Variants in PNPLA1 observed in about 807,000 individuals in gnomAD.
The protein encoded by PNPLA1 is patatin like domain 1, omega-hydroxyceramide transacylase.
Under a neutral mutation model 51.7 loss-of-function variants are expected in PNPLA1, and 36 were observed. The observed-to-expected ratio is 0.70, with a 90% confidence interval of 0.53 to 0.92. The LOEUF is 0.92. Ranked by LOEUF, PNPLA1 falls within the 40% of genes least tolerant of loss-of-function variation. The pLI is 0.00. For missense variants in PNPLA1, 658 were observed against 682.5 expected (o/e 0.96, Z 0.40); for synonymous variants, 293 against 280.1 (o/e 1.05, Z -0.46).
chr6:36,295,293 C>A lies in PNPLA1; in HGVS notation c.715-71C>A. The A allele has an allele frequency of 5.9e-6, 9 of 1,525,526 alleles. No homozygotes were observed. The South Asian group carries it at 9.0e-5, about 15-fold the overall frequency. The allele number at this position is 1,525,526 out of a possible 1,614,324, so 94.5% of individuals were successfully genotyped here. Reference sequence around the variant, plus strand: ...TTCAAGAGCAATGGGAGTAGCTGCCCTGGGTCGGGGGAACTGTGGCTCCCT... The same window carrying A: ...TTCAAGAGCAATGGGAGTAGCTGCCATGGGTCGGGGGAACTGTGGCTCCCT... On this transcript the variant is annotated intron_variant, in intron 4 of 8. Transcript: ENST00000636260.
chr6:36,305,208 A>T (rs1771193806), intron 6 of PNPLA1, among the ~76,000 whole-genome samples: 2 of 152,178 alleles, frequency 1.3e-5, no homozygotes, highest in Non-Finnish European at 2.9e-5. Context: ...TTTTCAGCTC[A>T]TCAGCTATCA....
Position 36,294,091 on chromosome 6 carries a change from C to A in PNPLA1, c.505-99C>A. The A allele has an allele frequency of 7.2e-7, 1 of 1,394,860 alleles. No individual in the cohort carries two copies. The highest frequency in any genetic ancestry group is 9.8e-7 in the Non-Finnish European group (1 of 1,016,876). 86.4% of individuals were successfully genotyped at this position (1,394,860 alleles called of 1,614,324 possible). A position where few individuals can be genotyped will look rare whatever the true frequency, so the allele number is the denominator to read the frequency against. On this transcript the variant is annotated intron_variant, in intron 3 of 8. Transcript: ENST00000636260. This position sits in a 1 kb window ranked among gnomAD's most constrained non-coding sequence, Gnocchi z 4.2. ...TCTTCTGGATCTTCCTTGATGGGCC[C>A]TTGAAGCTGGTGCCATATCCCATGG...
chr6:36,300,178 T>TGTGTGA, intron 5 of PNPLA1, among the ~76,000 whole-genome samples: 15 of 98,136 alleles, frequency 1.5e-4, no homozygotes, highest in African/African-American at 4.6e-4. Flanking sequence ...TGTGTGTGTG[T>TGTGTGA]GAGAGAGAGA....
intron 1 of PNPLA1, among the ~76,000 whole-genome samples, chr6:36,285,880 G>A (rs1038594771): frequency 6.6e-6 from 1 of 152,100 alleles, no homozygotes; most frequent in Non-Finnish European, 1.5e-5. Context: ...GACAGGAGAG[G>A]GAGTGTCTCC....
chr6:36,260,105 C>A (rs1769615301), intron 1 of PNPLA1, among the ~76,000 whole-genome samples: 2 of 151,938 alleles, frequency 1.3e-5, no homozygotes, highest in African/African-American at 4.8e-5. Flanking sequence ...CCAGCCTGGG[C>A]AACACAGTGA....
intron 1 of PNPLA1, among the ~76,000 whole-genome samples, chr6:36,250,011 C>T (rs577082393): frequency 5.9e-5 from 9 of 152,170 alleles, no homozygotes; most frequent in Non-Finnish European, 1.3e-4. Context: ...AAATCTGAGC[C>T]TCCACTAATA....
chr6:36,250,712 G>T (rs976784922), intron 1 of PNPLA1, among the ~76,000 whole-genome samples: 4 of 152,104 alleles, frequency 2.6e-5, no homozygotes, highest in African/African-American at 9.7e-5. Context: ...AAATGTAAGA[G>T]GTAGGCTGGG....
chr6:36,285,992 AGGATGTGGG>A (rs1770476513), intron 1 of PNPLA1, among the ~76,000 whole-genome samples: 1 of 152,192 alleles, frequency 6.6e-6, no homozygotes, highest in Non-Finnish European at 1.5e-5. Context: ...CACCTTGATA[AGGATGTGGG>A]GGCAGGGATC....
intron 1 of PNPLA1, among the ~76,000 whole-genome samples, chr6:36,259,718 C>G (rs974601520): frequency 6.6e-6 from 1 of 152,142 alleles, no homozygotes; most frequent in East Asian, 1.9e-4. Flanking sequence ...TTATCCTACA[C>G]AAATTAACTC....
chr6:36,256,665 C>T (rs561807597), intron 1 of PNPLA1, among the ~76,000 whole-genome samples: 1 of 152,210 alleles, frequency 6.6e-6, no homozygotes, highest in Admixed American at 6.5e-5. Flanking sequence ...CCAGGATGGT[C>T]TCGACCTCTT....
intron 1 of PNPLA1, among the ~76,000 whole-genome samples, chr6:36,276,654 A>C (rs1770107226): frequency 6.6e-6 from 1 of 152,226 alleles, no homozygotes. Context: ...TGGCAGACTT[A>C]AAACCCTACT....
rs569169069 is a variant in PNPLA1 at position 36,244,088 on chromosome 6, C to T, written c.-81+827C>T. On this transcript the variant is annotated intron_variant, in intron 1 of 7. Coordinates refer to the PNPLA1 transcript ENST00000312917. Reference sequence around the variant, plus strand: ...TTCACAAGTCCGTCTGATTCTAGAGCCCATGCACAGCGTTTCTTTCTCTCC... The same window carrying T: ...TTCACAAGTCCGTCTGATTCTAGAGTCCATGCACAGCGTTTCTTTCTCTCC... Among the ~76,000 whole-genome samples, 13 of 152,272 alleles carry T rather than the reference C, an allele frequency of 8.5e-5. No homozygotes were observed. In the South Asian group the frequency reaches 2.7e-3, roughly 32 times the overall value.
intron 5 of PNPLA1, among the ~76,000 whole-genome samples, chr6:36,299,335 G>GGT (rs1770955649): frequency 8.2e-4 from 48 of 58,798 alleles, no homozygotes; most frequent in African/African-American, 1.8e-3. Flanking sequence ...TTTTTTGTCT[G>GGT]TTTTTTTTTT....
chr6:36,275,427 C>T (rs1400794798), intron 1 of PNPLA1, among the ~76,000 whole-genome samples: 3 of 152,276 alleles, frequency 2.0e-5, no homozygotes, highest in Admixed American at 2.0e-4. Flanking sequence ...ACAATGATTT[C>T]TTCTACATTG....
chr6:36,270,701 T>G, intron 1 of PNPLA1, 37 bp downstream of exon 1: 1 of 1,543,672 alleles, frequency 6.5e-7, no homozygotes, highest in Non-Finnish European at 8.8e-7. Context: ...GGAAGTCTCT[T>G]GGGGGATTCC....
At chr6:36,285,117 G>T (rs760112804) in intron 1 of PNPLA1, among the ~76,000 whole-genome samples, 1 of 152,176 alleles carries the variant, frequency 6.6e-6, no homozygotes, top group Non-Finnish European at 1.5e-5. Flanking sequence ...TTGGGGTAGG[G>T]TATTCAAGAT....
At chr6:36,256,379 T>G (rs1769533857) in intron 1 of PNPLA1, among the ~76,000 whole-genome samples, 1 of 152,146 alleles carries the variant, frequency 6.6e-6, no homozygotes, top group Non-Finnish European at 1.5e-5. Flanking sequence ...TTAAACAAAT[T>G]AAGCCAAAAT....
chr6:36,257,259 G>T (rs752296490), intron 1 of PNPLA1, among the ~76,000 whole-genome samples: 1 of 152,114 alleles, frequency 6.6e-6, no homozygotes, highest in Non-Finnish European at 1.5e-5. Flanking sequence ...CCCCAACAAC[G>T]CTTTCTTTCT....
chr6:36,276,762 C>G (rs903168514), intron 1 of PNPLA1, among the ~76,000 whole-genome samples: 13 of 145,996 alleles, frequency 8.9e-5, no homozygotes, highest in South Asian at 4.2e-4. Flanking sequence ...TCGTTCCTTC[C>G]TTCCTTCCTT....
Sources: allele counts gnomAD v4.1 joint callset (sites outside exome capture counted in the v4.1 genomes callset), GRCh38; gene constraint gnomAD v4.1.1; non-coding constraint Gnocchi (gnomAD v3.1); transcripts MANE v1.5; gene names NCBI Gene and HGNC (gene_info 2026-07-23, HGNC 2026-07-21).